Variants in ATP9B observed in about 807,000 individuals in gnomAD.
The protein encoded by ATP9B is ATPase phospholipid transporting 9B.
Under a neutral mutation model 146.1 loss-of-function variants are expected in ATP9B, and 110 were observed. That is an observed-to-expected ratio of 0.75 (90% CI 0.65 to 0.88). The LOEUF is 0.88. Among genes scored for constraint, ATP9B ranks in the 40% least tolerant of loss-of-function variants. The pLI is 0.00. For missense variants in ATP9B, 1,499 were observed against 1,496.4 expected, an observed-to-expected ratio of 1.00 and a Z score of -0.03; for synonymous variants, 604 against 569.7, an observed-to-expected ratio of 1.06 and a Z score of -0.86.
At chr18:79,319,370 C>T in intron 15 of ATP9B, among the ~76,000 whole-genome samples, 1 of 151,682 alleles carries the variant, frequency 6.6e-6, no homozygotes, top group Non-Finnish European at 1.5e-5. Context: ...GGGTCCCTGC[C>T]TCTCCTGGCT....
chr18:79,311,937 T>C (rs576323427), intron 15 of ATP9B, among the ~76,000 whole-genome samples: 1 of 152,354 alleles, frequency 6.6e-6, no homozygotes, highest in Admixed American at 6.5e-5. Flanking sequence ...CCGGTGTGGC[T>C]GGGCGCACTT....
intron 11 of ATP9B, among the ~76,000 whole-genome samples, chr18:79,215,033 C>T (rs1600544208): frequency 6.6e-6 from 1 of 151,336 alleles, no homozygotes; most frequent in African/African-American, 2.4e-5. Context: ...CTGTAGTCCC[C>T]ACTACTCAGG....
chr18:79,326,717 A>G (rs534355426), intron 15 of ATP9B, among the ~76,000 whole-genome samples: 53 of 152,350 alleles, frequency 3.5e-4, no homozygotes, highest in Non-Finnish European at 6.5e-4. Flanking sequence ...AAATCATGCT[A>G]GAGGTATTCT....
chr18:79,079,378 A>T (rs2073000143), intron 1 of ATP9B, among the ~76,000 whole-genome samples: 1 of 152,090 alleles, frequency 6.6e-6, no homozygotes, highest in African/African-American at 2.4e-5. Flanking sequence ...ATGGTATCTC[A>T]TTGTGGTTTT....
intron 1 of ATP9B, among the ~76,000 whole-genome samples, chr18:79,081,027 T>TAA (rs1296554208): frequency 1.3e-5 from 2 of 152,180 alleles, no homozygotes; most frequent in African/African-American, 4.8e-5. Flanking sequence ...TTGCCAGTAT[T>TAA]TTATTGAGGA....
intron 1 of ATP9B, among the ~76,000 whole-genome samples, chr18:79,072,818 G>A (rs1318731007): frequency 6.6e-6 from 1 of 150,818 alleles, no homozygotes; most frequent in East Asian, 2.0e-4. Context: ...CGGGCAGAGG[G>A]GCTCCTCACC....
intron 1 of ATP9B, among the ~76,000 whole-genome samples, chr18:79,070,348 C>CA (rs1339199026): frequency 6.6e-6 from 1 of 152,164 alleles, no homozygotes. Flanking sequence ...ACATATAGCT[C>CA]AAAGTACATA....
intron 9 of ATP9B, among the ~76,000 whole-genome samples, chr18:79,200,779 A>AGGCGGAGGTGGGGACTGTCGGGGGCAG (rs2095475928): frequency 7.0e-5 from 2 of 28,516 alleles, no homozygotes; most frequent in African/African-American, 2.8e-4. Context: ...GTCAGAGCAG[A>AGGCGGAGGTGGGGACTGTCGGGGGCAG]AGTAGTGGTG....
At chr18:79,207,210 C>G (rs948402802) in intron 10 of ATP9B, among the ~76,000 whole-genome samples, 198 bp downstream of exon 10, 2 of 152,164 alleles carry the variant, frequency 1.3e-5, no homozygotes, top group African/African-American at 4.8e-5. Context: ...AGACACTGCA[C>G]GTGGTTCGCA....
At chr18:79,313,033 T>C (rs2096661400) in intron 15 of ATP9B, among the ~76,000 whole-genome samples, 1 of 152,210 alleles carries the variant, frequency 6.6e-6, no homozygotes, top group Non-Finnish European at 1.5e-5. Context: ...GTCAGCGCGC[T>C]GTTGGCTACA....
intron 8 of ATP9B, among the ~76,000 whole-genome samples, chr18:79,180,983 T>TG (rs1237980244): frequency 1.3e-5 from 2 of 151,582 alleles, no homozygotes; most frequent in Non-Finnish European, 2.9e-5. Context: ...TTGTTTTTTT[T>TG]TTTTTTAAGT....
intron 20 of ATP9B, among the ~76,000 whole-genome samples, chr18:79,343,411 A>G (rs1358559156): frequency 6.6e-6 from 1 of 152,206 alleles, no homozygotes. Flanking sequence ...AAATCTCCAC[A>G]GAAGGAATAT....
intron 1 of ATP9B, among the ~76,000 whole-genome samples, chr18:79,079,565 G>A (rs1030760241): frequency 1.3e-5 from 2 of 152,142 alleles, no homozygotes; most frequent in Non-Finnish European, 2.9e-5. Context: ...CAGATGGATA[G>A]ATTGCAAAAA....
Position 79,227,962 on chromosome 18 carries a change from CATAT to C in ATP9B, c.1107+13925_1107+13928del, listed in dbSNP as rs568705818. Among the ~76,000 whole-genome samples, 72 of 152,334 alleles carry C rather than the reference CATAT, an allele frequency of 4.7e-4. 2 individuals are homozygous for C. In the South Asian group the frequency reaches 0.015, roughly 31 times the overall value. On this transcript the variant is annotated intron_variant, in intron 11 of 29. Coordinates refer to ENST00000426216, the MANE Select transcript of ATP9B (RefSeq NM_198531.5). ...TTCCTTTCATGAGGGTTGAAAATCT[CATAT>C]TTGTTCACTTTGTATACATTAGCCA... is the stretch of plus-strand genomic sequence containing the variant.
intron 22 of ATP9B, 79 bp from the exon 23 acceptor site, chr18:79,345,679 CATTCATGGAAGTTTCTG>C: frequency 6.2e-7 from 1 of 1,600,544 alleles, no homozygotes; most frequent in Non-Finnish European, 8.5e-7. Context: ...ATTTCATCTC[CATTCATGGAAGTTTCTG>C]AAATAGCTTC....
intron 9 of ATP9B, among the ~76,000 whole-genome samples, chr18:79,202,740 C>G (rs1414198405): frequency 6.6e-6 from 1 of 152,120 alleles, no homozygotes; most frequent in Admixed American, 6.5e-5. Flanking sequence ...AGTCAATCAT[C>G]GCCATTCCAG....
At chr18:79,140,732 A>G (rs1356727528) in intron 5 of ATP9B, among the ~76,000 whole-genome samples, 1 of 152,168 alleles carries the variant, frequency 6.6e-6, no homozygotes, top group African/African-American at 2.4e-5. Context: ...GTGAGTCGAA[A>G]TCGCACCACT....
At position 79,248,870 on chromosome 18, in the gene ATP9B, C is replaced by T. The variant is rs957778771; in HGVS notation, c.1108-4511C>T. 2.6e-5 allele frequency among the ~76,000 whole-genome samples: 4 copies of T among 152,296 alleles called. No individual in the cohort carries two copies. In the East Asian group the frequency reaches 5.8e-4, roughly 22 times the overall value. On this transcript the variant is annotated intron_variant, in intron 11 of 29. Coordinates refer to ENST00000426216, the MANE Select transcript of ATP9B (RefSeq NM_198531.5). ...CCGACATCCTGTTCACCCAGGGTGA[C>T]ATCATCAGCAGTAAGTGTTGCACAG...
At position 79,110,240 on chromosome 18, in the gene ATP9B, T is replaced by C. The variant is rs894017545; in HGVS notation, c.294-115T>C. 14 of 973,284 alleles carry C rather than the reference T, an allele frequency of 1.4e-5. No individual in the cohort carries two copies. The Admixed American group carries it at 4.6e-4, about 32-fold the overall frequency. The allele number at this position is 973,284 out of a possible 1,614,324, so 60.3% of individuals were successfully genotyped here. A position where few individuals can be genotyped will look rare whatever the true frequency, so the allele number is the denominator to read the frequency against. On this transcript the variant is annotated intron_variant, in intron 2 of 29. Coordinates refer to ENST00000426216, the MANE Select transcript of ATP9B (RefSeq NM_198531.5). Reference sequence around the variant, plus strand: ...CCACAAATTAGCATTAGGTGTGCTATTAGTGTGTGGTGAATACAGAAACAA... The same window carrying C: ...CCACAAATTAGCATTAGGTGTGCTACTAGTGTGTGGTGAATACAGAAACAA...
Sources: allele counts gnomAD v4.1 joint callset (sites outside exome capture counted in the v4.1 genomes callset), GRCh38; gene constraint gnomAD v4.1.1; transcripts MANE v1.5; gene names NCBI Gene and HGNC (gene_info 2026-07-23, HGNC 2026-07-21).